Variants in TENM2 observed in about 807,000 individuals in gnomAD.
The protein encoded by TENM2 is teneurin-2.
Under a neutral mutation model 245.2 loss-of-function variants are expected in TENM2, and 52 were observed. The ratio of observed to expected loss-of-function variants is 0.21; its 90% CI spans 0.17 to 0.27. The LOEUF (loss-of-function observed/expected upper bound fraction) is 0.27, where lower values mean the gene tolerates loss of function less well. Ranked by LOEUF, TENM2 falls within the 10% of genes least tolerant of loss-of-function variation. The pLI is 1.00. For missense variants in TENM2, 3,046 were observed against 3,666.8 expected (o/e 0.83, Z 4.37); for synonymous variants, 1,363 against 1,438.9 (o/e 0.95, Z 1.19).
intron 2 of TENM2, among the ~76,000 whole-genome samples, chr5:167,740,634 A>G (rs1357640718): frequency 6.6e-6 from 1 of 152,112 alleles, no homozygotes; most frequent in Admixed American, 6.5e-5. Flanking sequence ...TACCTGTGCA[A>G]ACACAAATGG....
intron 1 of TENM2, among the ~76,000 whole-genome samples, chr5:167,309,067 A>T (rs1365333048): frequency 6.9e-6 from 1 of 145,600 alleles, no homozygotes; most frequent in African/African-American, 2.5e-5. Context: ...GGTGGGGGGG[A>T]GGTTTAAATG....
At chr5:167,487,484 A>G (rs1026562091) in intron 2 of TENM2, among the ~76,000 whole-genome samples, 2 of 152,092 alleles carry the variant, frequency 1.3e-5, no homozygotes, top group African/African-American at 2.4e-5. Context: ...TGTCTTTTAT[A>G]TGCATGTTTA....
At chr5:167,131,462 G>A in the TENM2 span, among the ~76,000 whole-genome samples, 10 of 152,152 alleles carry the variant, frequency 6.6e-5, no homozygotes, top group East Asian at 2.0e-4. Flanking sequence ...GGGCTTTGAC[G>A]GAGGACATGT....
At chr5:168,161,266 G>A (rs561068633) in intron 12 of TENM2, among the ~76,000 whole-genome samples, 1 of 152,262 alleles carries the variant, frequency 6.6e-6, no homozygotes, top group African/African-American at 2.4e-5. Context: ...TGCACTTTAT[G>A]TAGTTTAAAA....
chr5:167,270,751 G>A, the TENM2 span, among the ~76,000 whole-genome samples: 3 of 152,114 alleles, frequency 2.0e-5, no homozygotes, highest in African/African-American at 4.8e-5. Context: ...TAAGACTGCC[G>A]TTTTCTCTGT....
At chr5:167,049,761 T>G in the TENM2 span, among the ~76,000 whole-genome samples, 1 of 152,230 alleles carries the variant, frequency 6.6e-6, no homozygotes, top group Non-Finnish European at 1.5e-5. Context: ...AGTGACAATT[T>G]GATGTTAACT....
chr5:167,096,444 C>T, the TENM2 span, among the ~76,000 whole-genome samples: 2 of 152,168 alleles, frequency 1.3e-5, no homozygotes, highest in South Asian at 2.1e-4. Flanking sequence ...ACGGTGGCCC[C>T]GATGAGTCCC....
intron 3 of TENM2, among the ~76,000 whole-genome samples, chr5:167,950,331 G>C (rs977834529): frequency 1.1e-4 from 16 of 152,200 alleles, no homozygotes; most frequent in African/African-American, 3.9e-4. Flanking sequence ...ACACAAGCTG[G>C]AGTAGATAAG....
intron 2 of TENM2, among the ~76,000 whole-genome samples, chr5:167,557,708 A>G (rs2127634346): frequency 6.6e-6 from 1 of 152,088 alleles, no homozygotes; most frequent in East Asian, 2.0e-4. Context: ...ACATTAGACA[A>G]TCTCTAGAGA....
chr5:167,415,929 T>C (rs1172599222), intron 2 of TENM2, among the ~76,000 whole-genome samples: 1 of 152,164 alleles, frequency 6.6e-6, no homozygotes, highest in Non-Finnish European at 1.5e-5. Flanking sequence ...AGAGACGCAG[T>C]AATGATATTA....
chr5:167,329,551 CAAAAAAAAAAAA>C (rs34165505), intron 1 of TENM2, among the ~76,000 whole-genome samples: 9 of 21,936 alleles, frequency 4.1e-4, no homozygotes, highest in African/African-American at 1.1e-3. Context: ...GACTCAGTCT[CAAAAAAAAAAAA>C]AAAAAAAAAA....
chr5:168,200,980 C>T (rs1761887073), intron 17 of TENM2, among the ~76,000 whole-genome samples: 1 of 152,104 alleles, frequency 6.6e-6, no homozygotes, highest in African/African-American at 2.4e-5. Context: ...AATTGGTAGC[C>T]AATGTGTATC....
intron 2 of TENM2, among the ~76,000 whole-genome samples, chr5:167,577,586 A>G (rs575812000): frequency 6.6e-6 from 1 of 152,262 alleles, no homozygotes; most frequent in African/African-American, 2.4e-5. Context: ...TGATTCAAAT[A>G]CATTTTTTTT....
chr5:167,650,250 A>G (rs932337741), intron 2 of TENM2, among the ~76,000 whole-genome samples: 1 of 152,160 alleles, frequency 6.6e-6, no homozygotes, highest in Non-Finnish European at 1.5e-5. Context: ...CTCATTTAGC[A>G]TACTTTGTTC....
intron 1 of TENM2, among the ~76,000 whole-genome samples, chr5:167,313,279 G>T (rs555625403): frequency 6.6e-6 from 1 of 152,216 alleles, no homozygotes; most frequent in South Asian, 2.1e-4. Flanking sequence ...AATTCCAGGG[G>T]TGTACAATCT....
the TENM2 span, among the ~76,000 whole-genome samples, chr5:167,068,585 C>T: frequency 6.6e-6 from 1 of 152,134 alleles, no homozygotes; most frequent in Admixed American, 6.5e-5. Context: ...ATGTAATTTA[C>T]ACTTGCAGTG....
Position 167,850,693 on chromosome 5 carries a change from TG to T in TENM2, c.503-25288del, listed in dbSNP as rs369965746. ...ACTTCCTGGGGACTACTCTGGAGGA[TG>T]GGGGCTGCAAAGCTAATACTTTCTT... On this transcript the variant is annotated intron_variant, in intron 2 of 28. Transcript: ENST00000518659. Among the ~76,000 whole-genome samples the T allele has an allele frequency of 4.2e-3, 645 of 152,174 alleles. 5 individuals are homozygous for T. The highest frequency in any genetic ancestry group is 0.015 in the African/African-American group (612 of 41,518).
At chr5:167,775,200 T>A (rs2150791220) in intron 2 of TENM2, among the ~76,000 whole-genome samples, 1 of 152,212 alleles carries the variant, frequency 6.6e-6, no homozygotes, top group South Asian at 2.1e-4. Flanking sequence ...ACTCCCAACC[T>A]CAGGTGATCT....
intron 7 of TENM2, chr5:168,087,231 A>T (rs1388892749): frequency 6.6e-6 from 1 of 152,196 alleles, no homozygotes; most frequent in African/African-American, 2.4e-5. Context: ...GTGATAAACA[A>T]ACACCCTACA....
Sources: allele counts gnomAD v4.1 joint callset (sites outside exome capture counted in the v4.1 genomes callset), GRCh38; gene constraint gnomAD v4.1.1; transcripts MANE v1.5; gene names NCBI Gene and HGNC (gene_info 2026-07-23, HGNC 2026-07-21).